RET: variants seen among roughly 807,000 people sequenced by gnomAD.
The protein encoded by RET is proto-oncogene tyrosine-protein kinase receptor Ret.
Under a neutral mutation model 118.3 loss-of-function variants are expected in RET, and 19 were observed. That is an observed-to-expected ratio of 0.16 (90% CI 0.11 to 0.24). RET has a LOEUF of 0.24. Ranked by LOEUF, RET falls within the 10% of genes least tolerant of loss-of-function variation. The pLI, the probability that RET is intolerant of heterozygous loss-of-function variation, is 1.00. For synonymous variants in RET, 597 were observed against 644.1 expected (o/e 0.93, Z 1.11); for missense variants, 1,219 against 1,502.1 (o/e 0.81, Z 3.12).
intron 7 of RET, 21 bp downstream of exon 7, chr10:43,111,486 G>A (rs1169686751): frequency 6.2e-7 from 1 of 1,600,340 alleles, no homozygotes; most frequent in Non-Finnish European, 8.5e-7. Context: ...GCTCCAGGGA[G>A]GGAGGGTCGG....
intron 1 of RET, among the ~76,000 whole-genome samples, chr10:43,086,321 G>A (rs1837288004): frequency 6.6e-6 from 1 of 152,226 alleles, no homozygotes; most frequent in African/African-American, 2.4e-5. Context: ...ATTCCTACTG[G>A]TTAATGTTGA....
chr10:43,115,447 G>T (rs548270973), intron 11 of RET, among the ~76,000 whole-genome samples: 2 of 152,344 alleles, frequency 1.3e-5, no homozygotes, highest in South Asian at 4.1e-4. Context: ...GCAACACCCA[G>T]CCCTCGGTAA....
intron 1 of RET, among the ~76,000 whole-genome samples, chr10:43,086,332 A>G (rs1050408689): frequency 2.6e-5 from 4 of 152,192 alleles, no homozygotes; most frequent in African/African-American, 9.7e-5. Flanking sequence ...TTAATGTTGA[A>G]CAGGGATGAG....
intron 16 of RET, among the ~76,000 whole-genome samples, chr10:43,123,036 T>C (rs2565201): frequency 0.83 from 126,471 of 152,222 alleles, 53,087 homozygotes; most frequent in African/African-American, 0.91. Flanking sequence ...CTGAATGTCA[T>C]TGGACCACAC....
chr10:43,091,572 A>G (rs1450280529), intron 1 of RET, among the ~76,000 whole-genome samples: 13 of 151,286 alleles, frequency 8.6e-5, no homozygotes, highest in Admixed American at 8.6e-4. Context: ...CAGAGGTTGC[A>G]GTTAGCCGAG....
chr10:43,105,486 G>A (rs1310426173), intron 4 of RET, among the ~76,000 whole-genome samples: 1 of 152,146 alleles, frequency 6.6e-6, no homozygotes, highest in Non-Finnish European at 1.5e-5. Flanking sequence ...CCCGGGCGGG[G>A]AGCATCTGCC....
rs887380057 is a variant in RET at position 43,118,863 on chromosome 10, T to C, written c.2392+383T>C. 2.0e-5 allele frequency among the ~76,000 whole-genome samples: 3 copies of C among 152,176 alleles called. No individual in the cohort carries two copies. The East Asian group carries it at 5.8e-4, about 29-fold the overall frequency. Reference sequence around the variant, plus strand: ...GTACCACAGGGCACCAGGTGTGCTGTGACCTCAGGTGACCCCAGCCCCGCC... The same window carrying C: ...GTACCACAGGGCACCAGGTGTGCTGCGACCTCAGGTGACCCCAGCCCCGCC... On this transcript the variant is annotated intron_variant, in intron 13 of 19. Coordinates refer to ENST00000355710, the MANE Select transcript of RET (RefSeq NM_020975.6).
chr10:43,086,649 C>G (rs1356898589), intron 1 of RET, among the ~76,000 whole-genome samples: 1 of 152,250 alleles, frequency 6.6e-6, no homozygotes, highest in Non-Finnish European at 1.5e-5. Context: ...CCTGTTCAGC[C>G]AGGCCTTGCC....
chr10:43,110,849 C>A (rs529940524), intron 6 of RET, among the ~76,000 whole-genome samples: 1 of 152,102 alleles, frequency 6.6e-6, no homozygotes, highest in Non-Finnish European at 1.5e-5. Flanking sequence ...GACATTCCGG[C>A]GGCTTTGTTG....
chr10:43,113,117 G>A (rs914505805), intron 9 of RET, among the ~76,000 whole-genome samples, 154 bp downstream of exon 9: 2 of 152,304 alleles, frequency 1.3e-5, no homozygotes, highest in East Asian at 3.9e-4. Context: ...GCCATGGGGA[G>A]GGAGCAGGCA....
In RET at chr10:43,106,531, G is replaced by A. The variant is rs1837783469; in HGVS notation, c.1023G>A (p.Gln341=). ...ACTGGCCCAACGAGACCTCGGTCCA[G>A]GCCAACGGCAGCTTCGTGCGGGCGA... ...VEHWPNETSV[Q]ANGSFVRATV... The change falls in exon 5 of 20, where the codon CAG becomes CAA. Residue 341 remains glutamine, a synonymous_variant. Transcript: ENST00000355710. The surrounding 1 kb of genome is among the most constrained non-coding windows in gnomAD (Gnocchi z 5.1). The A allele has an allele frequency of 1.2e-6, 2 of 1,613,708 alleles. No individual in the cohort carries two copies. Among genetic ancestry groups the A allele is most frequent in the South Asian group, 1.1e-5 (1 of 91,076 alleles).
chr10:43,124,438 G>C (rs1466730455), intron 17 of RET, among the ~76,000 whole-genome samples: 5 of 152,132 alleles, frequency 3.3e-5, no homozygotes, highest in African/African-American at 1.2e-4. Flanking sequence ...GGACGGTGCA[G>C]GACAGACGTG....
At chr10:43,123,200 A>G (rs1298668725) in intron 16 of RET, among the ~76,000 whole-genome samples, 1 of 152,110 alleles carries the variant, frequency 6.6e-6, no homozygotes, top group Non-Finnish European at 1.5e-5. Context: ...ATGTTTTTCT[A>G]TAGCTTTTTT....
At chr10:43,104,365 A>C (rs920824996) in intron 3 of RET, among the ~76,000 whole-genome samples, 27 of 151,630 alleles carry the variant, frequency 1.8e-4, no homozygotes, top group African/African-American at 6.5e-4. Context: ...AAAAATACAA[A>C]AATTAGCCGG....
intron 15 of RET, 138 bp from the exon 16 acceptor site, chr10:43,121,808 G>T: frequency 1.4e-6 from 1 of 737,866 alleles, no homozygotes; most frequent in East Asian, 2.5e-5. Context: ...GATGTGTGTG[G>T]CCAGTTCTGT....
At chr10:43,121,893 C>A in intron 15 of RET, 53 bp from the exon 16 acceptor site, 2 of 1,412,582 alleles carry the variant, frequency 1.4e-6, no homozygotes, top group African/African-American at 1.4e-5. Context: ...CTTTACCCCT[C>A]CTTCCTAGAG....
At chr10:43,102,177 G>C (rs1837654740) in intron 2 of RET, 165 bp from the exon 3 acceptor site, 1 of 800,548 alleles carries the variant, frequency 1.2e-6, no homozygotes, top group African/African-American at 1.7e-5. Context: ...GGGCTGTGCA[G>C]CAGAGGTAAG....
intron 13 of RET, among the ~76,000 whole-genome samples, chr10:43,119,281 C>T (rs1397373818): frequency 6.6e-6 from 1 of 152,336 alleles, no homozygotes; most frequent in East Asian, 1.9e-4. Flanking sequence ...TCGCCTGCCT[C>T]AGGCACCTCG....
At chr10:43,123,899 A>G (rs1838273688) in intron 17 of RET, 91 bp downstream of exon 17, 2 of 1,592,554 alleles carry the variant, frequency 1.3e-6, no homozygotes, top group South Asian at 1.1e-5. Context: ...GCCCCAGGAG[A>G]AACCAGGAGA....
Sources: gnomAD v4.1 joint callset for allele counts (sites outside exome capture counted in the v4.1 genomes callset) on GRCh38, gnomAD v4.1.1 for gene constraint, Gnocchi (gnomAD v3.1) non-coding constraint, MANE v1.5 for transcripts, NCBI Gene and HGNC (gene_info 2026-07-23, HGNC 2026-07-21) for gene names.